Variants in DAPK1 observed in about 807,000 individuals in gnomAD.
DAPK1 encodes death-associated protein kinase 1.
In DAPK1, 56 loss-of-function variants were observed where a neutral mutation model predicts 144.9. The ratio of observed to expected loss-of-function variants is 0.39; its 90% confidence interval spans 0.31 to 0.48. The LOEUF is 0.48. Among genes scored for constraint, DAPK1 ranks in the 20% least tolerant of loss-of-function variants. DAPK1 has a pLI of 0.95. For synonymous variants in DAPK1, 690 were observed against 749.0 expected, an observed-to-expected ratio of 0.92 and a Z score of 1.29; for missense variants, 1,454 against 1,875.4, an observed-to-expected ratio of 0.78 and a Z score of 4.15.
Position 87,497,952 on chromosome 9 carries a change from G to C in DAPK1, c.-264G>C, listed in dbSNP as rs1406120727. The C allele has an allele frequency of 2.5e-6, 1 of 396,708 alleles. No individual in the cohort carries two copies. Among genetic ancestry groups the C allele is most frequent in the African/African-American group, 2.1e-5 (1 of 48,572 alleles). The allele number at this position is 396,708 out of a possible 1,614,324, so 24.6% of individuals were successfully genotyped here. ...CGGAGGGGACTCGGCAACTCGCAGC[G>C]GCAGGGTCTGGGGCCGGCGCCTGGG... On this transcript the variant is annotated 5_prime_UTR_variant, in exon 1 of 26. Transcript: ENST00000408954.
Position 87,638,024 on chromosome 9 carries a change from A to G in DAPK1, c.366A>G (p.Gln122=), listed in dbSNP as rs36211019. ...AGGAAGCAACTGAATTTCTCAAACA[A>G]ATTCTTAATGGTGTTTACTACCTGC... ...TEEEATEFLK[Q]ILNGVYYLHS... The change falls in exon 4 of 26, where the codon CAA becomes CAG. Residue 122 remains glutamine, a synonymous_variant. Transcript: ENST00000408954. 4.6e-4 allele frequency: 743 copies of G among 1,614,088 alleles called. 5 individuals are homozygous for G. In the African/African-American group the frequency reaches 8.9e-3, roughly 19 times the overall value.
At chr9:87,520,424 G>C (rs759596712) in intron 2 of DAPK1, among the ~76,000 whole-genome samples, 1 of 152,132 alleles carries the variant, frequency 6.6e-6, no homozygotes, top group Non-Finnish European at 1.5e-5. Flanking sequence ...GGCACAGCTG[G>C]AGACAGCAGT....
At chr9:87,692,670 G>A (rs1825102041) in intron 21 of DAPK1, among the ~76,000 whole-genome samples, 1 of 152,030 alleles carries the variant, frequency 6.6e-6, no homozygotes, top group Admixed American at 6.6e-5. Flanking sequence ...GTGTTTTCAT[G>A]ATGAAAGAAT....
intron 2 of DAPK1, among the ~76,000 whole-genome samples, chr9:87,542,848 C>T (rs1380425949): frequency 6.6e-6 from 1 of 152,162 alleles, no homozygotes; most frequent in African/African-American, 2.4e-5. Context: ...ATGGGATGCC[C>T]ACATGCATGC....
intron 2 of DAPK1, among the ~76,000 whole-genome samples, chr9:87,561,330 G>T (rs562335087): frequency 2.5e-3 from 384 of 152,196 alleles, no homozygotes; most frequent in Middle Eastern, 0.01. Flanking sequence ...ATCGAGACCA[G>T]CCTGGCTAAC....
rs1483883548 is a variant in DAPK1 at position 87,703,112 on chromosome 9, G to A, written c.2955G>A (p.Leu985=). ...SWRKLNGPNQ[L]MSLQQFVYDV... Reference sequence around the variant, plus strand: ...GGAAGCTCAATGGACCCAACCAGCTGATGTCGCTGCAGCAGTTTGTGTACG... The same window carrying A: ...GGAAGCTCAATGGACCCAACCAGCTAATGTCGCTGCAGCAGTTTGTGTACG... The change falls in exon 25 of 26, where the codon CTG becomes CTA. Residue 985 remains leucine, a synonymous_variant. Transcript: ENST00000408954. The A allele has an allele frequency of 6.2e-7, 1 of 1,603,378 alleles. No individual in the cohort carries two copies. Among genetic ancestry groups the A allele is most frequent in the Non-Finnish European group, 8.5e-7 (1 of 1,170,286 alleles).
chr9:87,566,173 A>G (rs1827116410), intron 2 of DAPK1, among the ~76,000 whole-genome samples: 1 of 151,958 alleles, frequency 6.6e-6, no homozygotes, highest in Non-Finnish European at 1.5e-5. Flanking sequence ...GTCGCCCGCC[A>G]CCATGCCCGG....
chr9:87,579,424 A>C (rs1465814966), intron 2 of DAPK1, among the ~76,000 whole-genome samples: 2 of 152,198 alleles, frequency 1.3e-5, no homozygotes, highest in Non-Finnish European at 2.9e-5. Context: ...ACAGTGGCAA[A>C]GCCATGCAGG....
At position 87,588,316 on chromosome 9, in the gene DAPK1, G is replaced by T. The variant is rs530347631; in HGVS notation, c.63-16638G>T. Among the ~76,000 whole-genome samples the T allele has an allele frequency of 2.6e-5, 4 of 152,286 alleles. No homozygotes were observed. The East Asian group carries it at 7.7e-4, about 29-fold the overall frequency. The stretch of plus-strand genomic sequence containing the variant: ...TGACCTAAACCTATTAGGGATCCTT[G>T]AATATAGACACAGCGGTTCTATTCT... On this transcript the variant is annotated intron_variant, in intron 2 of 25. Coordinates refer to ENST00000408954, the MANE Select transcript of DAPK1 (RefSeq NM_004938.4).
rs904334244 is a variant in DAPK1, at chr9:87,508,382, G to A, written c.62+9243G>A. Among the ~76,000 whole-genome samples the A allele has an allele frequency of 5.5e-5, 8 of 146,048 alleles. No homozygotes were observed. The Admixed American group carries it at 5.5e-4, about 10-fold the overall frequency. On this transcript the variant is annotated intron_variant, in intron 2 of 25. Transcript: ENST00000408954. ...TTTTTAAACGGAGTCTTGCTTTGTCGCCCAGGCTGGAGTGCAGTGGCGCGA... is the reference window on the plus strand; with the variant it reads ...TTTTTAAACGGAGTCTTGCTTTGTCACCCAGGCTGGAGTGCAGTGGCGCGA...
intron 17 of DAPK1, 196 bp from the exon 18 acceptor site, chr9:87,657,832 CT>C (rs1830682052): frequency 1.7e-6 from 1 of 586,676 alleles, no homozygotes; most frequent in African/African-American, 1.9e-5. Context: ...TGAAGCTCCT[CT>C]TTTAATTGCA....
intron 2 of DAPK1, among the ~76,000 whole-genome samples, chr9:87,548,498 A>C (rs1826347252): frequency 1.3e-5 from 2 of 152,198 alleles, no homozygotes; most frequent in Admixed American, 6.5e-5. Flanking sequence ...AGTCAATAGA[A>C]AACATTTGGT....
intron 2 of DAPK1, among the ~76,000 whole-genome samples, chr9:87,582,506 TG>T (rs1827784552): frequency 6.6e-6 from 1 of 151,532 alleles, no homozygotes; most frequent in African/African-American, 2.4e-5. Context: ...TGTTTACTGA[TG>T]GCCATGAAGT....
intron 2 of DAPK1, among the ~76,000 whole-genome samples, chr9:87,569,726 C>T (rs11141894): frequency 0.29 from 43,405 of 151,792 alleles, 6,537 homozygotes; most frequent in East Asian, 0.49. Context: ...GCTTTCCCTA[C>T]GAGAGGTCTT....
chr9:87,608,355 T>G (rs961091801), intron 3 of DAPK1, among the ~76,000 whole-genome samples: 1 of 152,224 alleles, frequency 6.6e-6, no homozygotes, highest in Non-Finnish European at 1.5e-5. Flanking sequence ...AGTATTTCAT[T>G]GTATGGATTT....
At chr9:87,561,398 C>T (rs1466720218) in intron 2 of DAPK1, among the ~76,000 whole-genome samples, 1 of 151,722 alleles carries the variant, frequency 6.6e-6, no homozygotes, top group Non-Finnish European at 1.5e-5. Flanking sequence ...TTGTGGCGGG[C>T]GCCTGTGGTC....
chr9:87,568,273 A>G (rs36233193), intron 2 of DAPK1, among the ~76,000 whole-genome samples: 18,103 of 152,286 alleles, frequency 0.12, 1,387 homozygotes, highest in Admixed American at 0.16. Flanking sequence ...CCAAGTCTTC[A>G]TGCATTGCTG....
intron 3 of DAPK1, among the ~76,000 whole-genome samples, chr9:87,622,202 C>T (rs535055189): frequency 1.3e-5 from 2 of 152,010 alleles, no homozygotes; most frequent in Non-Finnish European, 2.9e-5. Context: ...CATGCGCCCT[C>T]GCTCCCTATC....
intron 19 of DAPK1, among the ~76,000 whole-genome samples, chr9:87,671,248 C>T (rs1824131292): frequency 6.6e-6 from 1 of 152,084 alleles, no homozygotes; most frequent in African/African-American, 2.4e-5. Context: ...GGGGTGGGCT[C>T]TCACCCTGTC....
Sources: allele counts gnomAD v4.1 joint callset (sites outside exome capture counted in the v4.1 genomes callset), GRCh38; gene constraint gnomAD v4.1.1; transcripts MANE v1.5; gene names NCBI Gene and HGNC (gene_info 2026-07-23, HGNC 2026-07-21).